The following IL1RAPL1 variants were observed in gnomAD, a reference collection of about 807,000 sequenced individuals.
IL1RAPL1 encodes interleukin 1 receptor accessory protein like 1, also known as interleukin-1 receptor accessory protein-like 1.
In IL1RAPL1, 3 loss-of-function variants were observed where a neutral mutation model predicts 48.4. The ratio of observed to expected loss-of-function variants is 0.06; its 90% CI spans 0.03 to 0.16. The LOEUF (loss-of-function observed/expected upper bound fraction) is 0.16. IL1RAPL1 is among the 10% of genes least tolerant of loss of function. The pLI is 1.00. For synonymous variants in IL1RAPL1, 185 were observed against 187.7 expected (o/e 0.99, Z 0.12); for missense variants, 349 against 530.6 (o/e 0.66, Z 3.36).
intron 5 of IL1RAPL1, among the ~76,000 whole-genome samples, chrX:29,581,398 C>T (rs779112116): frequency 1.8e-5 from 2 of 111,611 alleles, no homozygotes; most frequent in Non-Finnish European, 3.8e-5. Context: ...TAGTAGAAGA[C>T]CTGGAAATGA....
intron 1 of IL1RAPL1, among the ~76,000 whole-genome samples, chrX:28,635,636 G>A (rs752986467): frequency 8.9e-6 from 1 of 111,881 alleles, no homozygotes; most frequent in South Asian, 3.7e-4. Context: ...TGGTAGGTTA[G>A]GTGTATTAAA....
At chrX:29,511,653 A>G (rs1193512817) in intron 5 of IL1RAPL1, among the ~76,000 whole-genome samples, 2 of 111,970 alleles carry the variant, frequency 1.8e-5, no homozygotes, top group African/African-American at 6.5e-5. Context: ...TATTAGGCCT[A>G]TGAGTCTCCC....
intron 6 of IL1RAPL1, among the ~76,000 whole-genome samples, chrX:29,797,654 C>G (rs1276130794): frequency 1.8e-5 from 2 of 111,690 alleles, no homozygotes; most frequent in Non-Finnish European, 3.8e-5. Context: ...GGGCAGATCA[C>G]TTGAGGTCAG....
intron 1 of IL1RAPL1, among the ~76,000 whole-genome samples, chrX:28,630,410 C>T (rs1934386396): frequency 9.0e-6 from 1 of 111,694 alleles, no homozygotes; most frequent in Non-Finnish European, 1.9e-5. Flanking sequence ...AGATAATTGT[C>T]TATCCTTAGA....
chrX:29,669,554 T>C (rs1035160577), intron 6 of IL1RAPL1, among the ~76,000 whole-genome samples: 2 of 111,626 alleles, frequency 1.8e-5, no homozygotes, highest in Non-Finnish European at 3.8e-5. Context: ...CCCAAAGTTA[T>C]AGTACACAAA....
At chrX:28,777,207 G>A (rs1936370855) in intron 1 of IL1RAPL1, among the ~76,000 whole-genome samples, 1 of 110,995 alleles carries the variant, frequency 9.0e-6, no homozygotes, top group African/African-American at 3.3e-5. Context: ...GCTCATGGCT[G>A]CATCACTCTA....
intron 2 of IL1RAPL1, among the ~76,000 whole-genome samples, chrX:29,277,060 CTAAA>C (rs1569275319): frequency 8.9e-6 from 1 of 111,877 alleles, no homozygotes; most frequent in Non-Finnish European, 1.9e-5. Context: ...CATAGGGTAA[CTAAA>C]TAGTCAAAAG....
At chrX:28,916,446 C>T (rs765427690) in intron 2 of IL1RAPL1, among the ~76,000 whole-genome samples, 1 of 112,293 alleles carries the variant, frequency 8.9e-6, no homozygotes, top group South Asian at 3.7e-4. Context: ...AACTAGTGTA[C>T]CCCAAGCCTA....
At chrX:28,760,168 A>T (rs896934882) in intron 1 of IL1RAPL1, among the ~76,000 whole-genome samples, 9 of 111,693 alleles carry the variant, frequency 8.1e-5, no homozygotes, top group African/African-American at 2.9e-4. Flanking sequence ...TGTGAATAAT[A>T]ATTATTATTT....
At chrX:29,732,169 C>T (rs1426340385) in intron 6 of IL1RAPL1, among the ~76,000 whole-genome samples, 2 of 111,739 alleles carry the variant, frequency 1.8e-5, no homozygotes, top group African/African-American at 3.2e-5. Flanking sequence ...GCTTAAATAA[C>T]AAATCCCACT....
intron 6 of IL1RAPL1, among the ~76,000 whole-genome samples, chrX:29,710,354 G>GTT (rs11385352): frequency 5.6e-4 from 56 of 100,171 alleles, no homozygotes; most frequent in Admixed American, 3.2e-3. Flanking sequence ...ACTTTGTTGA[G>GTT]TTTTTTTTTT....
chrX:28,961,230 G>A (rs1924768674), intron 2 of IL1RAPL1, among the ~76,000 whole-genome samples: 1 of 110,655 alleles, frequency 9.0e-6, no homozygotes, highest in Admixed American at 9.7e-5. Flanking sequence ...GGACCACATA[G>A]CAATGTAAGC....
intron 5 of IL1RAPL1, among the ~76,000 whole-genome samples, chrX:29,518,012 A>G (rs1935465110): frequency 8.9e-6 from 1 of 111,882 alleles, no homozygotes; most frequent in African/African-American, 3.3e-5. Flanking sequence ...CGCTCAATAT[A>G]GGTTAGGCAA....
At chrX:28,815,029 A>G (rs774950181) in intron 2 of IL1RAPL1, among the ~76,000 whole-genome samples, 1 of 110,358 alleles carries the variant, frequency 9.1e-6, no homozygotes. Context: ...CCCTCATACT[A>G]TATTTACCTA....
chrX:29,609,806 A>C (rs1192083319), intron 5 of IL1RAPL1, among the ~76,000 whole-genome samples: 1 of 112,315 alleles, frequency 8.9e-6, no homozygotes. Context: ...CACCAAACTT[A>C]TTGGGAATGA....
At chrX:29,771,643 A>C (rs1183089973) in intron 6 of IL1RAPL1, among the ~76,000 whole-genome samples, 2 of 111,795 alleles carry the variant, frequency 1.8e-5, no homozygotes. Context: ...AATTCCCACT[A>C]TATCTTTAAG....
intron 2 of IL1RAPL1, among the ~76,000 whole-genome samples, chrX:29,278,533 G>A (rs776809582): frequency 8.9e-6 from 1 of 112,177 alleles, no homozygotes. Context: ...GGGAAGGAGA[G>A]TACCAATAGC....
chrX:29,289,013 G>GT (rs1433073628), intron 3 of IL1RAPL1, among the ~76,000 whole-genome samples: 1 of 111,224 alleles, frequency 9.0e-6, no homozygotes. Flanking sequence ...GGAGTTGTTT[G>GT]TTTTTTTCTC....
At position 28,936,852 on chromosome X, in the gene IL1RAPL1, T is replaced by G. The variant is rs1043823379; in HGVS notation, c.82+147427T>G. On this transcript the variant is annotated intron_variant, in intron 2 of 10. Coordinates refer to ENST00000378993, the MANE Select transcript of IL1RAPL1 (RefSeq NM_014271.4). ...ATACATCCATGCTTCTTTGACTATT[T>G]AGGCCATAGTGTCTCTCTCTAATAC... 7.2e-5 allele frequency among the ~76,000 whole-genome samples: 8 copies of G among 111,496 alleles called. No individual in the cohort carries two copies. In the Admixed American group the frequency reaches 7.7e-4, roughly 11 times the overall value.
Sources: allele counts gnomAD v4.1 joint callset (sites outside exome capture counted in the v4.1 genomes callset), GRCh38; gene constraint gnomAD v4.1.1; transcripts MANE v1.5; gene names NCBI Gene and HGNC (gene_info 2026-07-23, HGNC 2026-07-21).